The following RUNX1 variants were observed in gnomAD, a reference collection of about 807,000 sequenced individuals.
RUNX1 encodes RUNX family transcription factor 1, also known as runt-related transcription factor 1.
RUNX1 carries 19 observed loss-of-function variants against 42.8 expected under a neutral mutation model. The ratio of observed to expected loss-of-function variants is 0.44; its 90% CI spans 0.31 to 0.65. The LOEUF is 0.65. Ranked by LOEUF, RUNX1 falls within the 30% of genes least tolerant of loss-of-function variation. The pLI is 0.07. For synonymous variants in RUNX1, 271 were observed against 289.4 expected (o/e 0.94, Z 0.64); for missense variants, 528 against 672.0 (o/e 0.79, Z 2.37).
chr21:35,039,156 G>A (rs1225192302), intron 2 of RUNX1, among the ~76,000 whole-genome samples: 2 of 152,232 alleles, frequency 1.3e-5, no homozygotes, highest in Non-Finnish European at 2.9e-5. Flanking sequence ...GCAAAGGATT[G>A]TGGTATCTGA....
intron 2 of RUNX1, among the ~76,000 whole-genome samples, chr21:35,003,869 GA>G (rs1460725572): frequency 1.3e-5 from 2 of 151,626 alleles, no homozygotes; most frequent in African/African-American, 4.8e-5. Context: ...CACTCACAAA[GA>G]AAAAAATAAA....
At chr21:34,921,006 CTGCCACCA>C (rs1228473826) in intron 2 of RUNX1, among the ~76,000 whole-genome samples, 3 of 152,170 alleles carry the variant, frequency 2.0e-5, no homozygotes, top group Middle Eastern at 3.4e-3. Flanking sequence ...TTATAGGAGC[CTGCCACCA>C]TGCCCAGCTA....
chr21:34,944,639 C>A (rs1331789858), intron 2 of RUNX1, among the ~76,000 whole-genome samples: 1 of 152,154 alleles, frequency 6.6e-6, no homozygotes, highest in African/African-American at 2.4e-5. Flanking sequence ...GAGAGCCTGT[C>A]GTCTCCTCTT....
rs370192069 is a variant in RUNX1, at chr21:34,880,985, C to T, written c.352-272G>A. 3.0e-4 allele frequency among the ~76,000 whole-genome samples: 46 copies of T among 152,280 alleles called. 1 individual carries two copies. The South Asian group carries it at 9.1e-3, about 30-fold the overall frequency. On this transcript the variant is annotated intron_variant, in intron 4 of 8. Coordinates refer to ENST00000675419, the MANE Select transcript of RUNX1 (RefSeq NM_001754.5). Reference sequence around the variant, plus strand: ...CAGTTACATTTGCACCAACCTAATACATTATGTATAACTATATGTAAATTT... The same window carrying T: ...CAGTTACATTTGCACCAACCTAATATATTATGTATAACTATATGTAAATTT...
chr21:35,032,610 A>G (rs1422841140), intron 2 of RUNX1, among the ~76,000 whole-genome samples: 1 of 152,230 alleles, frequency 6.6e-6, no homozygotes, highest in African/African-American at 2.4e-5. Context: ...ATGGGCAGTA[A>G]GATGTCCCTT....
At chr21:34,931,384 C>T (rs1368235708) in intron 2 of RUNX1, among the ~76,000 whole-genome samples, 1 of 141,726 alleles carries the variant, frequency 7.1e-6, no homozygotes, top group Non-Finnish European at 1.5e-5. Context: ...ATAATATATA[C>T]ATGTATATAA....
At chr21:34,894,928 CAT>C (rs71196915) in intron 2 of RUNX1, among the ~76,000 whole-genome samples, 7,755 of 109,454 alleles carry the variant, frequency 0.071, 443 homozygotes, top group African/African-American at 0.25. Context: ...CACACACACA[CAT>C]ATTCATATCT....
At chr21:35,006,929 C>A (rs541576864) in intron 2 of RUNX1, among the ~76,000 whole-genome samples, 2 of 152,210 alleles carry the variant, frequency 1.3e-5, no homozygotes, top group South Asian at 2.1e-4. Flanking sequence ...CTGGGAAGTA[C>A]CCAGTTAAGG....
At chr21:34,915,144 C>A (rs1303532694) in intron 2 of RUNX1, among the ~76,000 whole-genome samples, 1 of 152,100 alleles carries the variant, frequency 6.6e-6, no homozygotes, top group African/African-American at 2.4e-5. Flanking sequence ...GTTAATAGGA[C>A]TTGAACTTTT....
At chr21:34,875,851 C>T (rs2057806149) in intron 5 of RUNX1, among the ~76,000 whole-genome samples, 3 of 152,264 alleles carry the variant, frequency 2.0e-5, no homozygotes, top group East Asian at 3.9e-4. Flanking sequence ...AGGGCAACCT[C>T]CCACACTTTA....
intron 2 of RUNX1, among the ~76,000 whole-genome samples, chr21:35,010,093 G>A (rs1334266800): frequency 6.6e-6 from 1 of 152,112 alleles, no homozygotes; most frequent in Non-Finnish European, 1.5e-5. Context: ...AAAGCACGAC[G>A]TCTGTGACAG....
intron 2 of RUNX1, among the ~76,000 whole-genome samples, chr21:34,927,039 T>C (rs1337046050): frequency 6.6e-6 from 1 of 152,110 alleles, no homozygotes; most frequent in Non-Finnish European, 1.5e-5. Context: ...CGTTTAGTGC[T>C]GAGGAACCAG....
chr21:35,019,828 C>G (rs965758556), intron 2 of RUNX1, among the ~76,000 whole-genome samples: 1 of 152,178 alleles, frequency 6.6e-6, no homozygotes, highest in African/African-American at 2.4e-5. Flanking sequence ...CAGCTACTCA[C>G]TGGGAAAATC....
intron 2 of RUNX1, among the ~76,000 whole-genome samples, chr21:34,954,392 T>C (rs2058630066): frequency 6.6e-6 from 1 of 152,156 alleles, no homozygotes; most frequent in Non-Finnish European, 1.5e-5. Flanking sequence ...TCTGATTGTT[T>C]CATTGCAGGG....
chr21:34,912,675 T>C lies in RUNX1; in HGVS notation c.59-19712A>G, dbSNP rs1299622914. On this transcript the variant is annotated intron_variant, in intron 2 of 8. Transcript: ENST00000675419. ...CCTCAGAAGACTGTTCCCATTGCCT[T>C]CCTAGTCTTTGAGATGCAGGCATTT... 6.6e-5 allele frequency among the ~76,000 whole-genome samples: 10 copies of C among 152,336 alleles called. No individual in the cohort carries two copies. The East Asian group carries it at 1.9e-3, about 29-fold the overall frequency.
chr21:34,874,864 C>A (rs529618101), intron 5 of RUNX1, among the ~76,000 whole-genome samples: 1 of 152,206 alleles, frequency 6.6e-6, no homozygotes, highest in African/African-American at 2.4e-5. Context: ...GTTGCTGAAA[C>A]AGGAAGCTCT....
chr21:34,834,515 T>C lies in RUNX1; in HGVS notation c.700A>G (p.Thr234Ala). The stretch of plus-strand genomic sequence containing the variant: ...TGGTGTGGGCTGACCCTCATGGCTG[T>C]GCGCCGCAGCTGCTCCAGTTCACTG... The part of the protein sequence containing the change: ...RLSELEQLRR[T>A]AMRVSPHHPA... Residue 234 changes from threonine (T) to alanine (A), a missense_variant, in exon 7 of 9, where the codon ACA becomes GCA. Thr to Ala is a moderately conservative substitution (Grantham distance 58). Transcript: ENST00000675419. 2 of 1,612,820 alleles carry C rather than the reference T, an allele frequency of 1.2e-6. No individual in the cohort carries two copies. Among genetic ancestry groups the C allele is most frequent in the Non-Finnish European group, 1.7e-6 (2 of 1,179,962 alleles).
chr21:34,994,823 C>G lies in RUNX1; in HGVS notation c.58+54019G>C, dbSNP rs76642341. On this transcript the variant is annotated intron_variant, in intron 2 of 8. Transcript: ENST00000675419. ...AATTGGTCAATAGATATAGACTGAC[C>G]TAAGAAAAGAGGAATTAACTTCCAG... 7.4e-4 allele frequency among the ~76,000 whole-genome samples: 112 copies of G among 152,232 alleles called. 2 individuals are homozygous for G. In the East Asian group the frequency reaches 0.021, roughly 29 times the overall value.
At chr21:34,821,489 C>G (rs1384009802) in intron 7 of RUNX1, 3 of 1,452,350 alleles carry the variant, frequency 2.1e-6, no homozygotes, top group African/African-American at 2.8e-5. Flanking sequence ...ATTATTGTTA[C>G]GACGGTTTGC....
Sources: gnomAD v4.1 joint callset for allele counts (sites outside exome capture counted in the v4.1 genomes callset) on GRCh38, gnomAD v4.1.1 for gene constraint, MANE v1.5 for transcripts, NCBI Gene and HGNC (gene_info 2026-07-23, HGNC 2026-07-21) for gene names.